Variants in XPO6 observed in about 807,000 individuals in gnomAD.
The protein encoded by XPO6 is exportin-6.
Under a neutral mutation model 130.0 loss-of-function variants are expected in XPO6, and 3 were observed. The observed-to-expected ratio is 0.02, with a 90% confidence interval of 0.01 to 0.06. The LOEUF (loss-of-function observed/expected upper bound fraction) is 0.06, where lower values mean the gene tolerates loss of function less well. Ranked by LOEUF, XPO6 falls within the 10% of genes least tolerant of loss-of-function variation. XPO6 has a pLI of 1.00. For missense variants in XPO6, 970 were observed against 1,393.0 expected, an observed-to-expected ratio of 0.70 and a Z score of 4.83; for synonymous variants, 524 against 548.9, an observed-to-expected ratio of 0.95 and a Z score of 0.63.
intron 12 of XPO6, among the ~76,000 whole-genome samples, chr16:28,131,896 A>G (rs1398210470): frequency 2.6e-5 from 4 of 152,256 alleles, no homozygotes; most frequent in African/African-American, 9.6e-5. Context: ...AGCTCTGGTC[A>G]GAGCCCCTGG....
intron 1 of XPO6, among the ~76,000 whole-genome samples, chr16:28,193,304 G>A (rs536565563): frequency 3.9e-4 from 59 of 152,170 alleles, no homozygotes; most frequent in Middle Eastern, 3.4e-3. Flanking sequence ...ACTGCATTAC[G>A]CAGGAAGTGT....
At chr16:28,133,464 C>T (rs564834307) in intron 11 of XPO6, among the ~76,000 whole-genome samples, 18 of 152,268 alleles carry the variant, frequency 1.2e-4, no homozygotes, top group African/African-American at 3.6e-4. Context: ...GATTCCAGCA[C>T]GTATAGACAC....
At chr16:28,116,218 T>C (rs1467076347) in intron 15 of XPO6, among the ~76,000 whole-genome samples, 1 of 151,870 alleles carries the variant, frequency 6.6e-6, no homozygotes, top group East Asian at 1.9e-4. Context: ...TCCCAGCACT[T>C]TGGGAGGCCA....
Position 28,107,695 on chromosome 16 carries a change from T to A in XPO6, c.2342-18A>T. The stretch of plus-strand genomic sequence containing the variant: ...CAGTTTGGCTGCAAATCAAGATGAG[T>A]TGCAGGTTATAAGCTGTCTGGGGAG... On this transcript the variant is annotated intron_variant, in intron 17 of 23. Transcript: ENST00000304658. 1 of 1,612,162 alleles carries A rather than the reference T, an allele frequency of 6.2e-7. No individual in the cohort carries two copies. Among genetic ancestry groups the A allele is most frequent in the African/African-American group, 1.3e-5 (1 of 74,738 alleles).
At chr16:28,204,606 C>T (rs140842521) in intron 1 of XPO6, among the ~76,000 whole-genome samples, 1 of 152,008 alleles carries the variant, frequency 6.6e-6, no homozygotes, top group Non-Finnish European at 1.5e-5. Flanking sequence ...GCTGGAGACT[C>T]GAGAACTGGA....
intron 1 of XPO6, among the ~76,000 whole-genome samples, chr16:28,200,680 C>T (rs1338435168): frequency 1.3e-5 from 2 of 152,122 alleles, no homozygotes; most frequent in Admixed American, 6.5e-5. Flanking sequence ...TGTCAACTCA[C>T]TAGGTAATTC....
intron 13 of XPO6, among the ~76,000 whole-genome samples, chr16:28,122,474 G>A (rs2087268966): frequency 6.6e-6 from 1 of 152,150 alleles, no homozygotes; most frequent in East Asian, 1.9e-4. Context: ...TTATCCAGAT[G>A]TGGTGGCACA....
At chr16:28,112,464 C>T (rs1216035192) in intron 16 of XPO6, among the ~76,000 whole-genome samples, 1 of 152,204 alleles carries the variant, frequency 6.6e-6, no homozygotes, top group Admixed American at 6.5e-5. Context: ...TCCTGCCCTC[C>T]CTCCTGTTAG....
At chr16:28,158,015 AT>A (rs1288860798) in intron 6 of XPO6, among the ~76,000 whole-genome samples, 1 of 152,170 alleles carries the variant, frequency 6.6e-6, no homozygotes, top group Non-Finnish European at 1.5e-5. Context: ...AGAGTCAGGT[AT>A]CATATCACAC....
At position 28,211,951 on chromosome 16, in the gene XPO6, C is replaced by G. The variant is rs1470782300; in HGVS notation, c.-583G>C. 1 of 152,282 alleles carries G rather than the reference C, an allele frequency of 6.6e-6. No homozygotes were observed. The highest frequency in any genetic ancestry group is 2.4e-5 in the African/African-American group (1 of 41,438). The allele number at this position is 152,282 out of a possible 1,614,324, so 9.4% of individuals were successfully genotyped here. A position where few individuals can be genotyped will look rare whatever the true frequency, so the allele number is the denominator to read the frequency against. On this transcript the variant is annotated 5_prime_UTR_variant, in exon 1 of 24. Transcript: ENST00000304658. ...CGCGGCCGCCCCCGACCAACAGCCC[C>G]AACGCGCCGGAAGTGGCGAGCGCCG...
intron 4 of XPO6, among the ~76,000 whole-genome samples, chr16:28,173,288 T>C (rs1337022333): frequency 1.3e-5 from 2 of 152,234 alleles, no homozygotes; most frequent in African/African-American, 4.8e-5. Flanking sequence ...GTACTGATCA[T>C]TCTTGACAAG....
chr16:28,104,021 G>A (rs73522874), intron 21 of XPO6, among the ~76,000 whole-genome samples: 2,556 of 152,286 alleles, frequency 0.017, 71 homozygotes, highest in African/African-American at 0.059. Context: ...AGGTGATGCC[G>A]TCCCAGTCTT....
At chr16:28,127,644 G>A (rs1030113774) in intron 12 of XPO6, among the ~76,000 whole-genome samples, 7 of 152,212 alleles carry the variant, frequency 4.6e-5, no homozygotes, top group Non-Finnish European at 8.8e-5. Context: ...TACAAAGCAC[G>A]TGGCAAATGA....
At chr16:28,149,571 T>A (rs1264339626) in intron 8 of XPO6, among the ~76,000 whole-genome samples, 2 of 152,202 alleles carry the variant, frequency 1.3e-5, no homozygotes, top group African/African-American at 4.8e-5. Flanking sequence ...ACCCTTGTGT[T>A]ACAGCTGCCT....
intron 20 of XPO6, among the ~76,000 whole-genome samples, chr16:28,105,231 T>C (rs2086748210): frequency 6.6e-6 from 1 of 152,214 alleles, no homozygotes; most frequent in Non-Finnish European, 1.5e-5. Flanking sequence ...TAAAGAACAC[T>C]TGGGAGCCAG....
At chr16:28,158,365 G>C (rs902579620) in intron 6 of XPO6, among the ~76,000 whole-genome samples, 3 of 152,286 alleles carry the variant, frequency 2.0e-5, no homozygotes, top group South Asian at 2.1e-4. Context: ...ATGGGATATT[G>C]CAACAGATGA....
intron 1 of XPO6, among the ~76,000 whole-genome samples, chr16:28,196,456 T>C (rs560209861): frequency 6.6e-6 from 1 of 152,286 alleles, no homozygotes; most frequent in Admixed American, 6.5e-5. Flanking sequence ...AGGTTTCCTC[T>C]GGAGTGATGA....
chr16:28,160,638 G>A (rs186755852), intron 6 of XPO6, among the ~76,000 whole-genome samples: 2 of 151,790 alleles, frequency 1.3e-5, no homozygotes, highest in African/African-American at 4.8e-5. Context: ...ATTATTTGAT[G>A]TTCTTTCTAT....
chr16:28,103,478 A>G (rs2086697240), intron 21 of XPO6, among the ~76,000 whole-genome samples: 3 of 152,236 alleles, frequency 2.0e-5, no homozygotes, highest in African/African-American at 7.2e-5. Flanking sequence ...ATATGCTTTC[A>G]TTTATCTTGG....
Sources: allele counts gnomAD v4.1 joint callset (sites outside exome capture counted in the v4.1 genomes callset), GRCh38; gene constraint gnomAD v4.1.1; transcripts MANE v1.5; gene names NCBI Gene and HGNC (gene_info 2026-07-23, HGNC 2026-07-21).